The following KCNMB2 variants were observed in gnomAD, a reference collection of about 807,000 sequenced individuals.
The protein encoded by KCNMB2 is calcium-activated potassium channel subunit beta-2.
A neutral mutation model predicts 24.5 loss-of-function variants in KCNMB2; 9 were observed. The observed-to-expected ratio is 0.37, with a 90% CI of 0.22 to 0.64. The LOEUF (loss-of-function observed/expected upper bound fraction) is 0.64. Ranked by LOEUF, KCNMB2 falls within the 30% of genes least tolerant of loss-of-function variation. The pLI, the probability that KCNMB2 is intolerant of heterozygous loss-of-function variation, is 0.63. For missense variants in KCNMB2, 226 were observed against 284.3 expected, an observed-to-expected ratio of 0.79 and a Z score of 1.47; for synonymous variants, 109 against 104.4, an observed-to-expected ratio of 1.04 and a Z score of -0.27.
intron 1 of KCNMB2, among the ~76,000 whole-genome samples, chr3:178,756,573 T>C (rs947515182): frequency 2.6e-5 from 4 of 152,116 alleles, no homozygotes; most frequent in African/African-American, 9.7e-5. Context: ...CTGGGTAAAA[T>C]GAATATAAAT....
At chr3:178,814,375 C>T (rs1438593692) in intron 2 of KCNMB2, among the ~76,000 whole-genome samples, 1 of 152,138 alleles carries the variant, frequency 6.6e-6, no homozygotes, top group East Asian at 1.9e-4. Flanking sequence ...ATTTGATGAA[C>T]ACTTAGGTTG....
chr3:178,649,476 G>A (rs1181880518), intron 1 of KCNMB2, among the ~76,000 whole-genome samples: 1 of 149,074 alleles, frequency 6.7e-6, no homozygotes, highest in Non-Finnish European at 1.5e-5. Context: ...GGTAGAATTC[G>A]GCTGTGAACC....
chr3:178,717,442 C>T (rs1722653747), intron 1 of KCNMB2, among the ~76,000 whole-genome samples: 1 of 152,006 alleles, frequency 6.6e-6, no homozygotes, highest in Admixed American at 6.6e-5. Flanking sequence ...GCTTCCAGTC[C>T]CTCCAGTTAA....
At chr3:178,724,288 G>A (rs747295861) in intron 1 of KCNMB2, among the ~76,000 whole-genome samples, 5 of 151,964 alleles carry the variant, frequency 3.3e-5, no homozygotes, top group Admixed American at 1.3e-4. Flanking sequence ...CATGTTTGTC[G>A]GCCACTGGTA....
chr3:178,683,109 G>A (rs1721328641), intron 1 of KCNMB2, among the ~76,000 whole-genome samples: 1 of 151,950 alleles, frequency 6.6e-6, no homozygotes, highest in Non-Finnish European at 1.5e-5. Context: ...AACAGTAGAT[G>A]GTACATATAC....
chr3:178,617,301 G>A (rs1360086518), intron 1 of KCNMB2, among the ~76,000 whole-genome samples: 3 of 152,118 alleles, frequency 2.0e-5, no homozygotes, highest in South Asian at 4.1e-4. Context: ...GCTCACGCCT[G>A]TAATCCCAGC....
rs538947260 is a variant in KCNMB2 at position 178,723,674 on chromosome 3, T to C, written c.-67-83669T>C. On this transcript the variant is annotated intron_variant, in intron 1 of 4. Coordinates refer to ENST00000452583, the MANE Select transcript of KCNMB2 (RefSeq NM_181361.3). Reference sequence around the variant, plus strand: ...CTCTTTTGGAACTCCCAGTGTCTATTGTTCCCATCTTTGTGTCCATGTATA... The same window carrying C: ...CTCTTTTGGAACTCCCAGTGTCTATCGTTCCCATCTTTGTGTCCATGTATA... 2.2e-4 allele frequency among the ~76,000 whole-genome samples: 34 copies of C among 152,328 alleles called. 1 individual carries two copies. In the South Asian group the frequency reaches 7.0e-3, roughly 32 times the overall value.
At chr3:178,730,949 T>G (rs73049716) in intron 1 of KCNMB2, among the ~76,000 whole-genome samples, 1 of 152,134 alleles carries the variant, frequency 6.6e-6, no homozygotes, top group Non-Finnish European at 1.5e-5. Flanking sequence ...AACAAATATT[T>G]AAGCATTAAC....
intron 1 of KCNMB2, among the ~76,000 whole-genome samples, chr3:178,735,856 C>A (rs766390572): frequency 6.6e-6 from 1 of 152,218 alleles, no homozygotes; most frequent in South Asian, 2.1e-4. Flanking sequence ...GAGTCAGCAC[C>A]GTGCTTGATG....
intron 1 of KCNMB2, among the ~76,000 whole-genome samples, chr3:178,657,622 T>C (rs1356191880): frequency 6.6e-6 from 1 of 152,252 alleles, no homozygotes. Context: ...ATGAGTGTTT[T>C]GTACCACACT....
chr3:178,619,129 G>A (rs1429819129), intron 1 of KCNMB2, among the ~76,000 whole-genome samples: 3 of 152,194 alleles, frequency 2.0e-5, no homozygotes, highest in Admixed American at 2.0e-4. Flanking sequence ...AGGTTCTGAG[G>A]ATACAGAGTA....
chr3:178,811,504 CATT>C, intron 2 of KCNMB2, among the ~76,000 whole-genome samples: 1 of 152,206 alleles, frequency 6.6e-6, no homozygotes, highest in Non-Finnish European at 1.5e-5. Context: ...TTTCACCAAA[CATT>C]ATGTTGTTAT....
chr3:178,627,039 C>T (rs1271923893), intron 1 of KCNMB2, among the ~76,000 whole-genome samples: 1 of 151,780 alleles, frequency 6.6e-6, no homozygotes, highest in African/African-American at 2.4e-5. Flanking sequence ...AAACGCCTGT[C>T]TCCTGTGTAA....
In KCNMB2 at chr3:178,591,244, A is replaced by C. The variant is rs555585378; in HGVS notation, c.-68+54533A>C. On this transcript the variant is annotated intron_variant, in intron 1 of 4. Coordinates refer to ENST00000452583, the MANE Select transcript of KCNMB2 (RefSeq NM_181361.3). ...AATCAATACTCAATGGTTAAGATTA[A>C]TAAATACTCATTAGAGGAATCAGCA... 1.8e-4 allele frequency among the ~76,000 whole-genome samples: 27 copies of C among 152,338 alleles called. 1 individual carries two copies. Among genetic ancestry groups the C allele is most frequent in the African/African-American group, 6.0e-4 (25 of 41,584 alleles).
chr3:178,807,226 A>G (rs1162303726), intron 1 of KCNMB2, 117 bp from the exon 2 acceptor site: 1 of 481,440 alleles, frequency 2.1e-6, no homozygotes, highest in Non-Finnish European at 3.7e-6. Context: ...GTCAATTTTA[A>G]TATGCAGCCG....
intron 1 of KCNMB2, among the ~76,000 whole-genome samples, chr3:178,788,088 C>T (rs565481569): frequency 6.6e-6 from 1 of 152,200 alleles, no homozygotes; most frequent in South Asian, 2.1e-4. Context: ...CAGTTTGAAT[C>T]CCTATAGAAA....
At chr3:178,708,982 C>T (rs993710117) in intron 1 of KCNMB2, among the ~76,000 whole-genome samples, 2 of 152,008 alleles carry the variant, frequency 1.3e-5, no homozygotes, top group Non-Finnish European at 2.9e-5. Context: ...ATCAACATTC[C>T]CAGCAAGCAT....
chr3:178,595,043 G>A (rs916293278), intron 1 of KCNMB2, among the ~76,000 whole-genome samples: 1 of 113,756 alleles, frequency 8.8e-6, no homozygotes, highest in African/African-American at 3.4e-5. Context: ...TGCCTTAGTG[G>A]CATATACAGT....
intron 1 of KCNMB2, among the ~76,000 whole-genome samples, chr3:178,797,778 T>C (rs1713609652): frequency 6.6e-6 from 1 of 152,190 alleles, no homozygotes; most frequent in African/African-American, 2.4e-5. Flanking sequence ...GCATGAATAT[T>C]TTTGCATTTG....
Sources: gnomAD v4.1 joint callset for allele counts (sites outside exome capture counted in the v4.1 genomes callset) on GRCh38, gnomAD v4.1.1 for gene constraint, MANE v1.5 for transcripts, NCBI Gene and HGNC (gene_info 2026-07-23, HGNC 2026-07-21) for gene names.